The following LRRK2 variants were observed in gnomAD, a reference collection of about 807,000 sequenced individuals.
LRRK2 encodes leucine-rich repeat serine/threonine-protein kinase 2.
LRRK2 carries 203 observed loss-of-function variants against 302.6 expected under a neutral mutation model. That is an observed-to-expected ratio of 0.67 (90% CI 0.60 to 0.75). The LOEUF (loss-of-function observed/expected upper bound fraction) is 0.75. Ranked by LOEUF, LRRK2 falls within the 30% of genes least tolerant of loss-of-function variation. LRRK2 has a pLI of 0.00. For synonymous variants in LRRK2, 1,066 were observed against 1,031.9 expected, an observed-to-expected ratio of 1.03 and a Z score of -0.63; for missense variants, 2,830 against 2,951.0, an observed-to-expected ratio of 0.96 and a Z score of 0.95.
chr12:40,232,345 G>A lies in LRRK2; in HGVS notation c.309G>A (p.Gln103=), dbSNP rs200926937. 1.2e-6 allele frequency: 2 copies of A among 1,613,964 alleles called. No homozygotes were observed. The highest frequency in any genetic ancestry group is 2.2e-5 in the East Asian group (1 of 44,874). ...PGTMQSLMGP[Q]DVGNDWEVLG... is the part of the protein sequence containing the mutation. ...CAATGCAAAGCTTAATGGGACCCCA[G>A]GATGTTGGAAATGATTGGGAAGTCC... The change falls in exon 3 of 51, where the codon CAG becomes CAA. Residue 103 remains glutamine, a synonymous_variant. Coordinates refer to ENST00000298910, the MANE Select transcript of LRRK2 (RefSeq NM_198578.4).
In LRRK2 at chr12:40,283,082, G is replaced by A. The variant is rs117961895; in HGVS notation, c.2242-793G>A. 2.2e-4 allele frequency among the ~76,000 whole-genome samples: 33 copies of A among 152,208 alleles called. 1 individual carries two copies. In the East Asian group the frequency reaches 6.4e-3, roughly 29 times the overall value. The stretch of plus-strand genomic sequence containing the variant: ...AGAAATCATGTGTGTACAGAATTTA[G>A]CACAGTAACTGATGGATATTATTTC... On this transcript the variant is annotated intron_variant, in intron 18 of 50. Coordinates refer to ENST00000298910, the MANE Select transcript of LRRK2 (RefSeq NM_198578.4).
intron 40 of LRRK2, among the ~76,000 whole-genome samples, chr12:40,337,832 C>CA (rs543072129): frequency 8.3e-4 from 127 of 152,312 alleles, no homozygotes; most frequent in African/African-American, 3.0e-3. Flanking sequence ...GCCCACACTG[C>CA]ATTCTAGCCG....
intron 47 of LRRK2, 85 bp downstream of exon 47, chr12:40,359,529 CA>C (rs1592342011): frequency 9.5e-7 from 1 of 1,055,300 alleles, no homozygotes; most frequent in Non-Finnish European, 1.4e-6. Flanking sequence ...GTTGATAATT[CA>C]TAAGGAAGAT....
intron 14 of LRRK2, among the ~76,000 whole-genome samples, chr12:40,270,518 T>C (rs1943187217): frequency 6.6e-6 from 1 of 152,098 alleles, no homozygotes; most frequent in Admixed American, 6.6e-5. Flanking sequence ...CTAAAAAAAG[T>C]TTTGTTGGTT....
At chr12:40,246,728 C>T (rs1942002274) in intron 7 of LRRK2, among the ~76,000 whole-genome samples, 1 of 152,058 alleles carries the variant, frequency 6.6e-6, no homozygotes, top group Non-Finnish European at 1.5e-5. Flanking sequence ...AGGATATGAT[C>T]CAGGCTTAAT....
intron 46 of LRRK2, among the ~76,000 whole-genome samples, chr12:40,357,915 G>A (rs1946590760): frequency 1.3e-5 from 2 of 152,096 alleles, no homozygotes; most frequent in Admixed American, 1.3e-4. Flanking sequence ...TGGGACTACA[G>A]GCGTGTGCTA....
intron 25 of LRRK2, 84 bp downstream of exon 25, chr12:40,299,341 T>C (rs1944532409): frequency 4.8e-6 from 7 of 1,444,654 alleles, no homozygotes; most frequent in Non-Finnish European, 5.8e-6. Flanking sequence ...TAGTTGTGGA[T>C]TTAAAAGTGG....
chr12:40,246,327 CACTTCCTGATAAATTTA>C (rs1357037153), intron 7 of LRRK2, among the ~76,000 whole-genome samples: 3 of 151,934 alleles, frequency 2.0e-5, no homozygotes, highest in Non-Finnish European at 4.4e-5. Context: ...AGCTACTGTG[CACTTCCTGATAAATTTA>C]ACTTGGTCAT....
Position 40,286,198 on chromosome 12 carries a change from T to C in LRRK2, c.2501-1153T>C, listed in dbSNP as rs550100910. On this transcript the variant is annotated intron_variant, in intron 19 of 50. Coordinates refer to ENST00000298910, the MANE Select transcript of LRRK2 (RefSeq NM_198578.4). ...TTGGAGGGTATAACCATGATTTCACTGGCAGCTGGTCTGAGTAAAGAACAC... is the reference window on the plus strand; with the variant it reads ...TTGGAGGGTATAACCATGATTTCACCGGCAGCTGGTCTGAGTAAAGAACAC... 3 of 152,206 alleles carry C rather than the reference T, an allele frequency of 2.0e-5. No individual in the cohort carries two copies. In the South Asian group the frequency reaches 6.2e-4, roughly 32 times the overall value. The allele number at this position is 152,206 out of a possible 1,614,324, so 9.4% of individuals were successfully genotyped here.
At position 40,359,246 on chromosome 12, in the gene LRRK2, T is replaced by TA. The variant is rs150964683; in HGVS notation, c.6844-14_6844-13insA. 4,506 of 1,608,804 alleles carry TA rather than the reference T, an allele frequency of 2.8e-3. 122 individuals are homozygous for TA. In the African/African-American group the frequency reaches 0.054, roughly 19 times the overall value. On this transcript the variant is annotated splice_polypyrimidine_tract_variant and intron_variant, in intron 46 of 50. Transcript: ENST00000298910. ...TCAATTTGCTGAGTGTGTTTTCTTT[T>TA]TTTTTTGGCAAAGCTTAAAGGAGCT...
chr12:40,333,565 A>T (rs2136932677), intron 39 of LRRK2, among the ~76,000 whole-genome samples: 1 of 152,206 alleles, frequency 6.6e-6, no homozygotes, highest in Non-Finnish European at 1.5e-5. Flanking sequence ...GGCCACAGAG[A>T]GGGTTGTTGC....
intron 40 of LRRK2, 113 bp downstream of exon 40, chr12:40,335,270 C>A: frequency 8.6e-7 from 1 of 1,166,866 alleles, no homozygotes; most frequent in East Asian, 2.5e-5. Context: ...AATTTATAAA[C>A]AATTTGGATG....
intron 46 of LRRK2, among the ~76,000 whole-genome samples, chr12:40,358,514 C>T (rs1946610464): frequency 6.6e-6 from 1 of 152,062 alleles, no homozygotes; most frequent in South Asian, 2.1e-4. Context: ...GCTTTTGGTG[C>T]CTTTGTTGAA....
At chr12:40,295,294 A>G (rs751943716) in intron 22 of LRRK2, 133 bp from the exon 23 acceptor site, 12 of 768,612 alleles carry the variant, frequency 1.6e-5, no homozygotes, top group Non-Finnish European at 2.0e-5. Context: ...TGTAAACTCC[A>G]TAGTTTGGTT....
At chr12:40,300,458 C>A (rs1488504950) in intron 25 of LRRK2, among the ~76,000 whole-genome samples, 1 of 152,176 alleles carries the variant, frequency 6.6e-6, no homozygotes, top group Non-Finnish European at 1.5e-5. Flanking sequence ...ATACCTGACT[C>A]AGTAAAATAA....
intron 41 of LRRK2, among the ~76,000 whole-genome samples, chr12:40,345,187 A>T (rs1946156005): frequency 6.6e-6 from 1 of 152,244 alleles, no homozygotes; most frequent in Non-Finnish European, 1.5e-5. Flanking sequence ...AATTTTGGAA[A>T]TAAAAAGGAA....
intron 28 of LRRK2, among the ~76,000 whole-genome samples, chr12:40,307,971 G>A (rs932978232): frequency 2.0e-5 from 3 of 151,392 alleles, no homozygotes; most frequent in Non-Finnish European, 2.9e-5. Flanking sequence ...TAATAGAGAC[G>A]GGGTTTCACT....
At chr12:40,269,036 A>G (rs887547589) in intron 14 of LRRK2, among the ~76,000 whole-genome samples, 3 of 152,208 alleles carry the variant, frequency 2.0e-5, no homozygotes, top group Non-Finnish European at 4.4e-5. Context: ...TGTACATATT[A>G]AAAGTTTCAA....
intron 25 of LRRK2, among the ~76,000 whole-genome samples, chr12:40,301,748 G>A (rs181762933): frequency 3.0e-4 from 45 of 152,038 alleles, no homozygotes; most frequent in African/African-American, 9.9e-4. Flanking sequence ...GATCTCTCAA[G>A]TGTCTTAGTG....
Sources: gnomAD v4.1 joint callset for allele counts (sites outside exome capture counted in the v4.1 genomes callset) on GRCh38, gnomAD v4.1.1 for gene constraint, MANE v1.5 for transcripts, NCBI Gene and HGNC (gene_info 2026-07-23, HGNC 2026-07-21) for gene names.